The following PLCB4 variants were observed in gnomAD, a reference collection of about 807,000 sequenced individuals.
The protein encoded by PLCB4 is 1-phosphatidylinositol 4,5-bisphosphate phosphodiesterase beta-4.
In PLCB4, 77 loss-of-function variants were observed where a neutral mutation model predicts 178.8. The observed-to-expected ratio is 0.43, with a 90% confidence interval of 0.36 to 0.52. PLCB4 has a LOEUF of 0.52. Ranked by LOEUF, PLCB4 falls within the 20% of genes least tolerant of loss-of-function variation. The probability of loss-of-function intolerance (pLI) is 0.00; values close to 1 mark genes in which losing one functional copy is unlikely to be tolerated. For missense variants in PLCB4, 1,024 were observed against 1,453.4 expected, an observed-to-expected ratio of 0.70 and a Z score of 4.80; for synonymous variants, 496 against 490.8, an observed-to-expected ratio of 1.01 and a Z score of -0.14.
chr20:9,164,895 A>G (rs1470774299), intron 2 of PLCB4, among the ~76,000 whole-genome samples: 1 of 152,170 alleles, frequency 6.6e-6, no homozygotes, highest in Non-Finnish European at 1.5e-5. Flanking sequence ...CAGGTTTTAC[A>G]CGTGGTTTGC....
At chr20:9,167,682 A>G (rs576191330) in intron 2 of PLCB4, among the ~76,000 whole-genome samples, 1 of 152,308 alleles carries the variant, frequency 6.6e-6, no homozygotes, top group African/African-American at 2.4e-5. Flanking sequence ...ATTTTTTCAT[A>G]TAATATGCAC....
At chr20:9,274,774 G>A (rs746478410) in intron 3 of PLCB4, among the ~76,000 whole-genome samples, 1 of 152,040 alleles carries the variant, frequency 6.6e-6, no homozygotes, top group Non-Finnish European at 1.5e-5. Context: ...AAAGATACAA[G>A]TATCCCTTAT....
intron 2 of PLCB4, among the ~76,000 whole-genome samples, chr20:9,119,774 G>T (rs2091898179): frequency 6.6e-6 from 1 of 152,214 alleles, no homozygotes; most frequent in Non-Finnish European, 1.5e-5. Context: ...ACGCAGTACG[G>T]TAAGTTTTAT....
chr20:9,392,647 T>G (rs1352522016), intron 17 of PLCB4, among the ~76,000 whole-genome samples: 2 of 152,010 alleles, frequency 1.3e-5, no homozygotes, highest in Non-Finnish European at 1.5e-5. Flanking sequence ...GCTTTCAACC[T>G]TGGGAGTGGG....
chr20:9,366,921 C>T (rs987762653), intron 9 of PLCB4, among the ~76,000 whole-genome samples: 23 of 152,206 alleles, frequency 1.5e-4, no homozygotes, highest in Admixed American at 1.4e-3. Flanking sequence ...GGAATCCTGT[C>T]TTAGAATTGA....
Position 9,365,441 on chromosome 20 carries a change from T to C in PLCB4, c.450-20T>C. On this transcript the variant is annotated intron_variant, in intron 8 of 39. Coordinates refer to ENST00000378473, the MANE Select transcript of PLCB4 (RefSeq NM_001377142.1). ...CCCTCTAAGAAACATTAAGGCAATG[T>C]TATTGCTATTGTTTTGCAGCTGGAT... The C allele has an allele frequency of 1.3e-6, 2 of 1,555,914 alleles. No homozygotes were observed. The highest frequency in any genetic ancestry group is 4.5e-5 in the East Asian group (2 of 44,526).
chr20:9,230,924 G>A (rs774976108), intron 3 of PLCB4, among the ~76,000 whole-genome samples: 19 of 152,116 alleles, frequency 1.2e-4, no homozygotes, highest in Non-Finnish European at 1.5e-5. Context: ...TTAGGTGATG[G>A]CTTTAGGAGA....
At chr20:9,271,577 A>G (rs756563025) in intron 3 of PLCB4, among the ~76,000 whole-genome samples, 2 of 152,172 alleles carry the variant, frequency 1.3e-5, no homozygotes, top group Non-Finnish European at 2.9e-5. Flanking sequence ...ATGTGCATCT[A>G]TAATTAAGAT....
chr20:9,355,515 A>G (rs1260865784), intron 7 of PLCB4, among the ~76,000 whole-genome samples: 1 of 151,828 alleles, frequency 6.6e-6, no homozygotes, highest in Non-Finnish European at 1.5e-5. Flanking sequence ...TCATTGTTCA[A>G]TTCCCATCTA....
At chr20:9,342,711 G>A (rs1353279232) in intron 7 of PLCB4, among the ~76,000 whole-genome samples, 1 of 149,606 alleles carries the variant, frequency 6.7e-6, no homozygotes, top group Non-Finnish European at 1.5e-5. Context: ...TAGCCAGTTT[G>A]GTTTCTTTAA....
intron 2 of PLCB4, among the ~76,000 whole-genome samples, chr20:9,135,760 T>G (rs1366600645): frequency 6.6e-6 from 1 of 152,190 alleles, no homozygotes; most frequent in African/African-American, 2.4e-5. Flanking sequence ...ATTTCTTTTT[T>G]CTATTGTATA....
intron 4 of PLCB4, among the ~76,000 whole-genome samples, chr20:9,321,695 A>G (rs191033141): frequency 2.9e-3 from 434 of 152,150 alleles, no homozygotes; most frequent in Non-Finnish European, 4.8e-3. Flanking sequence ...GTGCCGTGGC[A>G]TGCTCTGGGC....
chr20:9,415,790 A>T (rs2040200934), intron 25 of PLCB4, among the ~76,000 whole-genome samples: 1 of 152,204 alleles, frequency 6.6e-6, no homozygotes, highest in Non-Finnish European at 1.5e-5. Context: ...TAAACCAAGC[A>T]TGGGGCCCTT....
intron 25 of PLCB4, among the ~76,000 whole-genome samples, chr20:9,416,872 T>A (rs1289978127): frequency 6.6e-6 from 1 of 152,212 alleles, no homozygotes; most frequent in Admixed American, 6.5e-5. Context: ...AAGGGAATAT[T>A]TTTAACACTT....
chr20:9,445,788 G>A (rs1160544324), intron 32 of PLCB4, among the ~76,000 whole-genome samples: 2 of 152,146 alleles, frequency 1.3e-5, no homozygotes, highest in South Asian at 2.1e-4. Context: ...GCTGAACTAT[G>A]GAAAGCCAAC....
chr20:9,393,946 A>G (rs545580467), intron 18 of PLCB4, among the ~76,000 whole-genome samples: 38 of 152,314 alleles, frequency 2.5e-4, no homozygotes, highest in African/African-American at 8.4e-4. Flanking sequence ...GGAAAGTAGA[A>G]GCATTTTAGA....
intron 2 of PLCB4, among the ~76,000 whole-genome samples, chr20:9,211,864 A>C (rs1390567774): frequency 6.6e-6 from 1 of 152,252 alleles, no homozygotes; most frequent in Non-Finnish European, 1.5e-5. Context: ...TGGTACATGG[A>C]AACTGTACCA....
intron 1 of PLCB4, among the ~76,000 whole-genome samples, chr20:9,070,472 G>GC (rs1365451480): frequency 6.6e-6 from 1 of 152,164 alleles, no homozygotes; most frequent in African/African-American, 2.4e-5. Flanking sequence ...GTCTAGCTCA[G>GC]CAGGGGCATG....
At chr20:9,106,096 A>G (rs530956184) in intron 2 of PLCB4, among the ~76,000 whole-genome samples, 1 of 152,224 alleles carries the variant, frequency 6.6e-6, no homozygotes, top group Non-Finnish European at 1.5e-5. Flanking sequence ...GAGCTTTTAA[A>G]ATAAACTCTG....
Sources: allele counts gnomAD v4.1 joint callset (sites outside exome capture counted in the v4.1 genomes callset), GRCh38; gene constraint gnomAD v4.1.1; transcripts MANE v1.5; gene names NCBI Gene and HGNC (gene_info 2026-07-23, HGNC 2026-07-21).